The following ZNF141 variants were observed in gnomAD, a reference collection of about 807,000 sequenced individuals.
ZNF141 encodes the protein zinc finger protein 141.
ZNF141 carries 7 observed loss-of-function variants against 11.3 expected under a neutral mutation model. The observed-to-expected ratio is 0.62, with a 90% CI of 0.35 to 1.16. The LOEUF is 1.16. Ranked by LOEUF, ZNF141 falls within the 50% of genes most tolerant of loss-of-function variation. ZNF141 has a pLI of 0.02. For synonymous variants in ZNF141, 183 were observed against 190.7 expected (o/e 0.96, Z 0.33); for missense variants, 535 against 554.0 (o/e 0.97, Z 0.34).
chr4:340,229 TTCTC>T (rs1720983419), intron 1 of ZNF141, among the ~76,000 whole-genome samples: 3 of 152,372 alleles, frequency 2.0e-5, no homozygotes, highest in South Asian at 4.1e-4. Flanking sequence ...AGAACCTTCT[TTCTC>T]AGGATTCCAG....
chr4:362,154 C>A lies in ZNF141; in HGVS notation c.227-10510C>A, dbSNP rs541617431. Among the ~76,000 whole-genome samples, 11 of 152,200 alleles carry A rather than the reference C, an allele frequency of 7.2e-5. No individual in the cohort carries two copies. In the South Asian group the frequency reaches 2.3e-3, roughly 32 times the overall value. On this transcript the variant is annotated intron_variant, in intron 3 of 3. Transcript: ENST00000240499. ...TGATGATGAGCATTTTTTCATGTGT[C>A]TTTTGGTTGCCTAAATGTCTTCTTT...
rs148919072 is a variant in ZNF141 at position 365,474 on chromosome 4, G to A, written c.227-7190G>A. 7.8e-3 allele frequency among the ~76,000 whole-genome samples: 1,192 copies of A among 152,206 alleles called. 8 individuals carry two copies. Among genetic ancestry groups the A allele is most frequent in the Non-Finnish European group, 0.013 (903 of 68,010 alleles). On this transcript the variant is annotated intron_variant, in intron 3 of 3. Coordinates refer to ENST00000240499, the MANE Select transcript of ZNF141 (RefSeq NM_003441.4). ...TTCCTATTCAGCCATCTTGGAACGG[G>A]AGGTCTCTGCTCTATTTTTAAATTG...
intron 3 of ZNF141, among the ~76,000 whole-genome samples, chr4:355,183 TTTTA>T (rs1254809496): frequency 6.6e-6 from 1 of 151,728 alleles, no homozygotes; most frequent in Non-Finnish European, 1.5e-5. Context: ...CTTTATTTTA[TTTTA>T]TTTATTTATT....
At chr4:341,205 C>T (rs1274041751) in intron 1 of ZNF141, among the ~76,000 whole-genome samples, 2 of 151,884 alleles carry the variant, frequency 1.3e-5, no homozygotes, top group Non-Finnish European at 2.9e-5. Context: ...GGATTACAGG[C>T]GCACGCCACC....
chr4:363,918 C>A (rs1300817698), intron 3 of ZNF141, among the ~76,000 whole-genome samples: 1 of 152,038 alleles, frequency 6.6e-6, no homozygotes, highest in Non-Finnish European at 1.5e-5. Context: ...TGAATTTTGC[C>A]GAAGGCCTTT....
rs1553855023 is a variant in ZNF141 at position 378,682 on chromosome 4, G to T, written c.*4820G>T. Among the ~76,000 whole-genome samples the T allele has an allele frequency of 6.6e-6, 1 of 151,954 alleles. No individual in the cohort carries two copies. The highest frequency in any genetic ancestry group is 1.5e-5 in the Non-Finnish European group (1 of 68,000). ...GTCCAGATTCATATTACAATCTTGAGGAATTTCTCATAATTCTTTGTTTTA... is the reference window on the plus strand; with the variant it reads ...GTCCAGATTCATATTACAATCTTGATGAATTTCTCATAATTCTTTGTTTTA... On this transcript the variant is annotated 3_prime_UTR_variant, in exon 4 of 4. Coordinates refer to ENST00000240499, the MANE Select transcript of ZNF141 (RefSeq NM_003441.4).
intron 3 of ZNF141, among the ~76,000 whole-genome samples, chr4:363,871 A>T (rs1208486977): frequency 6.6e-6 from 1 of 152,046 alleles, no homozygotes; most frequent in Admixed American, 6.6e-5. Flanking sequence ...TTCCATCAAT[A>T]CCTAGTTTAT....
chr4:345,234 A>G (rs1373354187), intron 3 of ZNF141, among the ~76,000 whole-genome samples: 3 of 152,192 alleles, frequency 2.0e-5, no homozygotes, highest in Non-Finnish European at 4.4e-5. Context: ...GAGGCTGCAA[A>G]TGTAATTCTA....
At position 380,958 on chromosome 4, in the gene ZNF141, C is replaced by G. The variant is rs1386282062; in HGVS notation, c.*7096C>G. 6.6e-6 allele frequency among the ~76,000 whole-genome samples: 1 copy of G among 152,130 alleles called. No homozygotes were observed. The highest frequency in any genetic ancestry group is 2.4e-5 in the African/African-American group (1 of 41,426). On this transcript the variant is annotated 3_prime_UTR_variant, in exon 4 of 4. Coordinates refer to ENST00000240499, the MANE Select transcript of ZNF141 (RefSeq NM_003441.4). ...TTCCTGTATTTAAACCATATAAACT[C>G]TAGAATTGCCCTTCGATACTGACGT...
chr4:350,693 TG>T, intron 3 of ZNF141, among the ~76,000 whole-genome samples: 1 of 152,180 alleles, frequency 6.6e-6, no homozygotes, highest in East Asian at 1.9e-4. Context: ...CCAGCCCCTT[TG>T]GTACTGTCTT....
chr4:346,586 A>T (rs1721326368), intron 3 of ZNF141, among the ~76,000 whole-genome samples: 1 of 152,172 alleles, frequency 6.6e-6, no homozygotes, highest in African/African-American at 2.4e-5. Flanking sequence ...GATTTACTCA[A>T]CTTATAACTA....
intron 1 of ZNF141, chr4:342,950 C>G (rs1458768928): frequency 4.6e-6 from 7 of 1,529,962 alleles, no homozygotes; most frequent in Non-Finnish European, 6.3e-6. Context: ...ATCTCCTGAT[C>G]CAAGGCTGAG....
At position 375,749 on chromosome 4, in the gene ZNF141, G is replaced by T. The variant is rs1346058553; in HGVS notation, c.*1887G>T. On this transcript the variant is annotated 3_prime_UTR_variant, in exon 4 of 4. Transcript: ENST00000240499. ...AATTCAACTCAAATTATTTCATACT[G>T]TTTCAACATTCCTGTTTATGTGAAA... 6.6e-6 allele frequency among the ~76,000 whole-genome samples: 1 copy of T among 152,010 alleles called. No homozygotes were observed. The highest frequency in any genetic ancestry group is 2.4e-5 in the African/African-American group (1 of 41,404).
rs1440952353 is a variant in ZNF141 at position 369,762 on chromosome 4, A to ATT, written c.227-2901_227-2900insTT. Among the ~76,000 whole-genome samples the ATT allele has an allele frequency of 1.2e-3, 39 of 33,490 alleles. 1 individual carries two copies. The highest frequency in any genetic ancestry group is 1.5e-3 in the Non-Finnish European group (29 of 19,354). The allele number at this position is 33,490 out of a possible 152,430, so 22.0% of individuals were successfully genotyped here. ...GATATATATATATATATATATATAT[A>ATT]TATTTTTTTTTTTTTTTTTTTTGAG... is the stretch of plus-strand genomic sequence containing the variant. On this transcript the variant is annotated intron_variant, in intron 3 of 3. Transcript: ENST00000240499.
At position 383,279 on chromosome 4, in the gene ZNF141, C is replaced by T; in HGVS notation, c.*9417C>T. 2 of 626,538 alleles carry T rather than the reference C, an allele frequency of 3.2e-6. No homozygotes were observed. Among genetic ancestry groups the T allele is most frequent in the Admixed American group, 2.9e-5 (1 of 34,544 alleles). The allele number at this position is 626,538 out of a possible 1,614,324, so 38.8% of individuals were successfully genotyped here. A position where few individuals can be genotyped will look rare whatever the true frequency, so the allele number is the denominator to read the frequency against. Reference sequence around the variant, plus strand: ...GCCCAGAAGAATGGCCCGGCTGAGCCCAGCCTAAATTTCTAACCAGCTCAA... The same window carrying T: ...GCCCAGAAGAATGGCCCGGCTGAGCTCAGCCTAAATTTCTAACCAGCTCAA... On this transcript the variant is annotated 3_prime_UTR_variant, in exon 4 of 4. Coordinates refer to ENST00000240499, the MANE Select transcript of ZNF141 (RefSeq NM_003441.4).
chr4:342,316 A>G (rs1721085887), intron 1 of ZNF141, among the ~76,000 whole-genome samples: 1 of 152,224 alleles, frequency 6.6e-6, no homozygotes, highest in African/African-American at 2.4e-5. Context: ...AGACATTGCC[A>G]CCGTCTCCAA....
At position 369,764 on chromosome 4, in the gene ZNF141, A is replaced by ATATATATATATT; in HGVS notation, c.227-2899_227-2898insATATATATATTT. 6.8e-4 allele frequency among the ~76,000 whole-genome samples: 33 copies of ATATATATATATT among 48,722 alleles called. 2 individuals are homozygous for ATATATATATATT. Among genetic ancestry groups the ATATATATATATT allele is most frequent in the Admixed American group, 8.7e-4 (3 of 3,448 alleles). The allele number at this position is 48,722 out of a possible 152,430, so 32.0% of individuals were successfully genotyped here. On this transcript the variant is annotated intron_variant, in intron 3 of 3. Coordinates refer to ENST00000240499, the MANE Select transcript of ZNF141 (RefSeq NM_003441.4). ...TATATATATATATATATATATATAT[A>ATATATATATATT]TTTTTTTTTTTTTTTTTTTTGAGAG...
At position 379,280 on chromosome 4, in the gene ZNF141, C is replaced by T. The variant is rs2076426558; in HGVS notation, c.*5418C>T. On this transcript the variant is annotated 3_prime_UTR_variant, in exon 4 of 4. Transcript: ENST00000240499. ...CACTAGAAATTCCAGGTACTTCAAGCTTAAAAGTAAGAGCTCTAGAGTGTA... is the reference window on the plus strand; with the variant it reads ...CACTAGAAATTCCAGGTACTTCAAGTTTAAAAGTAAGAGCTCTAGAGTGTA... Among the ~76,000 whole-genome samples the T allele has an allele frequency of 6.6e-6, 1 of 152,192 alleles. No individual in the cohort carries two copies. Among genetic ancestry groups the T allele is most frequent in the African/African-American group, 2.4e-5 (1 of 41,456 alleles).
chr4:339,927 C>G (rs375106792), intron 1 of ZNF141, among the ~76,000 whole-genome samples: 525 of 152,294 alleles, frequency 3.4e-3, no homozygotes, highest in Middle Eastern at 0.01. Flanking sequence ...CCCGGATGAC[C>G]TCCCAAATTA....
Sources: gnomAD v4.1 joint callset for allele counts (sites outside exome capture counted in the v4.1 genomes callset) on GRCh38, gnomAD v4.1.1 for gene constraint, MANE v1.5 for transcripts, NCBI Gene and HGNC (gene_info 2026-07-23, HGNC 2026-07-21) for gene names.